The following TRMT61B variants were observed in gnomAD, a reference collection of about 807,000 sequenced individuals.
TRMT61B encodes the protein tRNA (adenine(58)-N(1))-methyltransferase, mitochondrial.
TRMT61B carries 56 observed loss-of-function variants against 52.0 expected under a neutral mutation model. The ratio of observed to expected loss-of-function variants is 1.08; its 90% CI spans 0.87 to 1.35. The LOEUF (loss-of-function observed/expected upper bound fraction) is 1.35. Ranked by LOEUF, TRMT61B falls within the 40% of genes most tolerant of loss-of-function variation. The pLI, the probability that TRMT61B is intolerant of heterozygous loss-of-function variation, is 0.00. For synonymous variants in TRMT61B, 206 were observed against 220.0 expected (o/e 0.94, Z 0.56); for missense variants, 650 against 577.9 (o/e 1.12, Z -1.28).
At position 28,862,162 on chromosome 2, in the gene TRMT61B, G is replaced by A. The variant is rs80324981; in HGVS notation, c.803-854C>T. Among the ~76,000 whole-genome samples the A allele has an allele frequency of 2.8e-4, 37 of 131,730 alleles. 1 individual carries two copies. The highest frequency in any genetic ancestry group is 8.3e-4 in the African/African-American group (28 of 33,728). The allele number at this position is 131,730 out of a possible 152,430, so 86.4% of individuals were successfully genotyped here. ...CAGAGATTGCAGTGAGCCAAGATGCGCCACTGCACTCCAGCCTGGGTGACA... is the reference window on the plus strand; with the variant it reads ...CAGAGATTGCAGTGAGCCAAGATGCACCACTGCACTCCAGCCTGGGTGACA... On this transcript the variant is annotated intron_variant, in intron 2 of 6. Coordinates refer to ENST00000306108, the MANE Select transcript of TRMT61B (RefSeq NM_017910.4).
In TRMT61B at chr2:28,863,890, T is replaced by C. The variant is rs1669716441; in HGVS notation, c.802+1127A>G. Among the ~76,000 whole-genome samples the C allele has an allele frequency of 2.0e-5, 3 of 152,168 alleles. No individual in the cohort carries two copies. The South Asian group carries it at 6.2e-4, about 31-fold the overall frequency. Reference sequence around the variant, plus strand: ...GTGACTATTCAGCAGTCTAGTATTATGTAGGGAAGAGAACACTGCACAGAC... The same window carrying C: ...GTGACTATTCAGCAGTCTAGTATTACGTAGGGAAGAGAACACTGCACAGAC... On this transcript the variant is annotated intron_variant, in intron 2 of 6. Transcript: ENST00000306108.
rs190593889 is a variant in TRMT61B at position 28,870,266 on chromosome 2, T to C, written c.12A>G (p.Ala4=). Residue 4 remains alanine, a synonymous_variant, in exon 1 of 7, where the codon GCA becomes GCG. Transcript: ENST00000306108. MLM[A]WCRGPVLLCL... ...ACAGCAAGACAGGACCGCGGCACCA[T>C]GCCATTAGCATAGTGTTTCGCGAAG... is the stretch of plus-strand genomic sequence containing the variant. The C allele has an allele frequency of 1.2e-3, 1,879 of 1,590,474 alleles. 18 individuals carry two copies. The East Asian group carries it at 0.017, about 14-fold the overall frequency.
chr2:28,861,368 A>C, intron 2 of TRMT61B, 60 bp from the exon 3 acceptor site: 1 of 1,379,470 alleles, frequency 7.2e-7, no homozygotes, highest in Non-Finnish European at 9.6e-7. Context: ...AAAGTGTCAA[A>C]AATGTATTTT....
Position 28,854,561 on chromosome 2 carries a change from G to A in TRMT61B, c.994-2062C>T, listed in dbSNP as rs141146435. ...TCAAGACCAGCCTGGCCAACACGGC[G>A]AAACCCCGTTTCTACTAAAAATACA... is the stretch of plus-strand genomic sequence containing the variant. On this transcript the variant is annotated intron_variant, in intron 3 of 6. Transcript: ENST00000306108. Among the ~76,000 whole-genome samples the A allele has an allele frequency of 6.4e-3, 972 of 151,992 alleles. 7 individuals are homozygous for A. The highest frequency in any genetic ancestry group is 0.022 in the African/African-American group (920 of 41,442).
intron 2 of TRMT61B, among the ~76,000 whole-genome samples, chr2:28,862,837 A>T (rs1207700036): frequency 4.6e-3 from 7 of 1,522 alleles, no homozygotes; most frequent in Admixed American, 0.041. Flanking sequence ...CCAAAAAATA[A>T]AAAAAAAAAA....
chr2:28,866,461 T>C (rs1669854641), intron 1 of TRMT61B, among the ~76,000 whole-genome samples: 1 of 152,218 alleles, frequency 6.6e-6, no homozygotes, highest in African/African-American at 2.4e-5. Flanking sequence ...AGTTAGTTTC[T>C]TATAAGGAGC....
chr2:28,859,122 C>T (rs562732682), intron 3 of TRMT61B, among the ~76,000 whole-genome samples: 1 of 152,034 alleles, frequency 6.6e-6, no homozygotes, highest in East Asian at 1.9e-4. Flanking sequence ...CTCTGTCACC[C>T]AGGCTGGAGT....
chr2:28,861,081 C>A, intron 3 of TRMT61B, 37 bp downstream of exon 3: 2 of 1,519,890 alleles, frequency 1.3e-6, no homozygotes, highest in South Asian at 2.7e-5. Flanking sequence ...TCTTTATAGT[C>A]AAAGTAATAA....
In TRMT61B at chr2:28,849,888, A is replaced by T; in HGVS notation, c.*311T>A. On this transcript the variant is annotated 3_prime_UTR_variant, in exon 7 of 7. Transcript: ENST00000306108. ...TCAATCAAATAAAGGAAAGAAAACTAATTTCTTGAAGAAAGACAAATCTAT... is the reference window on the plus strand; with the variant it reads ...TCAATCAAATAAAGGAAAGAAAACTTATTTCTTGAAGAAAGACAAATCTAT... 6.3e-7 allele frequency: 1 copy of T among 1,591,578 alleles called. No individual in the cohort carries two copies. Among genetic ancestry groups the T allele is most frequent in the Non-Finnish European group, 8.5e-7 (1 of 1,173,360 alleles).
At chr2:28,866,483 A>G (rs1210695343) in intron 1 of TRMT61B, among the ~76,000 whole-genome samples, 2 of 152,146 alleles carry the variant, frequency 1.3e-5, no homozygotes, top group Non-Finnish European at 2.9e-5. Context: ...TGCAACCTAG[A>G]TCTGGTGCAT....
At position 28,852,038 on chromosome 2, in the gene TRMT61B, C is replaced by T. The variant is rs529236926; in HGVS notation, c.1085+370G>A. 1.1e-4 allele frequency among the ~76,000 whole-genome samples: 16 copies of T among 150,992 alleles called. No individual in the cohort carries two copies. In the South Asian group the frequency reaches 3.4e-3, roughly 32 times the overall value. ...TTACAAAATGAATATTTTGGCTGGG[C>T]GTGGTGGCTCAAGCCTGTAAGCCCA... On this transcript the variant is annotated intron_variant, in intron 4 of 6. Coordinates refer to ENST00000306108, the MANE Select transcript of TRMT61B (RefSeq NM_017910.4).
chr2:28,860,046 C>T (rs749492875), intron 3 of TRMT61B, among the ~76,000 whole-genome samples: 6 of 151,846 alleles, frequency 4.0e-5, no homozygotes, highest in African/African-American at 1.2e-4. Context: ...CTGAGATGGG[C>T]AGATCACCTA....
chr2:28,861,149 G>A lies in TRMT61B; in HGVS notation c.962C>T (p.Thr321Ile), dbSNP rs141347691. 6.2e-7 allele frequency: 1 copy of A among 1,606,516 alleles called. No homozygotes were observed. Among genetic ancestry groups the A allele is most frequent in the African/African-American group, 1.3e-5 (1 of 74,576 alleles). Residue 321 changes from threonine (T) to isoleucine (I), a missense_variant, in exon 3 of 7, where the codon ACC becomes ATC. Transcript: ENST00000306108. ...DFIHKDISGA[T>I]EDIKSLTFDA... The stretch of plus-strand genomic sequence containing the variant: ...AAATGTTAAAGATTTTATGTCTTCG[G>A]TTGCTCCTGAAATGTCCTTATGAAT...
intron 5 of TRMT61B, 65 bp from the exon 6 acceptor site, chr2:28,850,470 G>T: frequency 2.8e-6 from 3 of 1,068,980 alleles, no homozygotes; most frequent in East Asian, 2.6e-5. Flanking sequence ...TCACAAAACT[G>T]TTAAAATATG....
rs117565719 is a variant in TRMT61B at position 28,866,314 on chromosome 2, A to G, written c.700-1195T>C. Among the ~76,000 whole-genome samples the G allele has an allele frequency of 8.5e-5, 13 of 152,316 alleles. No individual in the cohort carries two copies. The East Asian group carries it at 2.5e-3, about 29-fold the overall frequency. On this transcript the variant is annotated intron_variant, in intron 1 of 6. Coordinates refer to ENST00000306108, the MANE Select transcript of TRMT61B (RefSeq NM_017910.4). ...CCAAATGATGAACTTCTAATTTAGA[A>G]TTAAGATACTATATAACAGCGGTCC...
Position 28,869,855 on chromosome 2 carries a change from AGG to A in TRMT61B, c.421_422del (p.Pro141PhefsTer19), listed in dbSNP as rs1438513216. On this transcript the variant is annotated frameshift_variant, in exon 1 of 7. Transcript: ENST00000306108. LOFTEE classifies it high-confidence loss of function. ...GTCTCTCTCTGGAAGTTGAACAAGA[AGG>A]GGAGACGTGACGCTCTTCGACCTCG... is the stretch of plus-strand genomic sequence containing the variant. ...ATEVEERHVSPSCSTSRERPF... is the reference protein window; with the variant it reads ...ATEVEERHVSXSCSTSRERPF... 2 of 1,614,006 alleles carry A rather than the reference AGG, an allele frequency of 1.2e-6. No individual in the cohort carries two copies. Among genetic ancestry groups the A allele is most frequent in the Non-Finnish European group, 1.7e-6 (2 of 1,180,022 alleles).
At chr2:28,866,192 T>C (rs1441140283) in intron 1 of TRMT61B, among the ~76,000 whole-genome samples, 21 of 145,952 alleles carry the variant, frequency 1.4e-4, no homozygotes, top group East Asian at 6.2e-4. Context: ...GGTTTCACCA[T>C]GTTGGCCAGG....
At chr2:28,860,515 G>A (rs753182679) in intron 3 of TRMT61B, among the ~76,000 whole-genome samples, 1 of 152,020 alleles carries the variant, frequency 6.6e-6, no homozygotes, top group Non-Finnish European at 1.5e-5. Flanking sequence ...ATGTTTGATC[G>A]CAGCTTAATG....
intron 2 of TRMT61B, among the ~76,000 whole-genome samples, chr2:28,862,350 T>TG (rs1402457908): frequency 1.3e-5 from 2 of 149,258 alleles, no homozygotes; most frequent in African/African-American, 4.9e-5. Flanking sequence ...TTTTTTTTTT[T>TG]GAGACAAGAT....
Sources: allele counts gnomAD v4.1 joint callset (sites outside exome capture counted in the v4.1 genomes callset), GRCh38; gene constraint gnomAD v4.1.1; transcripts MANE v1.5; gene names NCBI Gene and HGNC (gene_info 2026-07-23, HGNC 2026-07-21).